Variants in TSPAN18 observed in about 807,000 individuals in gnomAD.
TSPAN18 encodes tetraspanin-18.
A neutral mutation model predicts 27.3 loss-of-function variants in TSPAN18; 14 were observed. The observed-to-expected ratio is 0.51, with a 90% CI of 0.34 to 0.80. The LOEUF (loss-of-function observed/expected upper bound fraction) is 0.80. Ranked by LOEUF, TSPAN18 falls within the 30% of genes least tolerant of loss-of-function variation. The pLI is 0.01. For synonymous variants in TSPAN18, 143 were observed against 136.5 expected, an observed-to-expected ratio of 1.05 and a Z score of -0.33; for missense variants, 268 against 323.9, an observed-to-expected ratio of 0.83 and a Z score of 1.32.
chr11:44,761,483 TGG>T (rs1855454088), intron 1 of TSPAN18, among the ~76,000 whole-genome samples: 1 of 152,160 alleles, frequency 6.6e-6, no homozygotes, highest in Non-Finnish European at 1.5e-5. Flanking sequence ...TTTGCTTAAA[TGG>T]GAATTAGGAT....
intron 2 of TSPAN18, among the ~76,000 whole-genome samples, chr11:44,840,205 G>A (rs761163410): frequency 6.6e-6 from 1 of 152,226 alleles, no homozygotes; most frequent in Non-Finnish European, 1.5e-5. Context: ...CAACTGCTGA[G>A]CACTTAAGGA....
intron 3 of TSPAN18, among the ~76,000 whole-genome samples, chr11:44,878,142 C>A (rs1385817473): frequency 6.6e-6 from 1 of 151,918 alleles, no homozygotes; most frequent in Non-Finnish European, 1.5e-5. Context: ...ATGCCCCTTC[C>A]CCCAGCTCCA....
intron 1 of TSPAN18, among the ~76,000 whole-genome samples, chr11:44,732,242 T>C (rs1854679339): frequency 6.6e-6 from 1 of 152,252 alleles, no homozygotes; most frequent in African/African-American, 2.4e-5. Flanking sequence ...TGCTCTGAGA[T>C]ATCCCAGAGA....
intron 3 of TSPAN18, among the ~76,000 whole-genome samples, chr11:44,872,932 G>C (rs1032086107): frequency 5.3e-5 from 8 of 152,226 alleles, no homozygotes; most frequent in Admixed American, 4.6e-4. Context: ...AGGACTGCAT[G>C]CTGAGTGTTC....
In TSPAN18 at chr11:44,931,284, G is replaced by A. The variant is rs1014934652; in HGVS notation, c.*2106G>A. On this transcript the variant is annotated 3_prime_UTR_variant, in exon 10 of 10. Transcript: ENST00000520358. Reference sequence around the variant, plus strand: ...TGAACCACCCACATGCTTAGCCCCAGCTTTTTGGAAGAGGCAAATGGCTGG... The same window carrying A: ...TGAACCACCCACATGCTTAGCCCCAACTTTTTGGAAGAGGCAAATGGCTGG... 3.7e-5 allele frequency: 8 copies of A among 217,494 alleles called. No homozygotes were observed. Among genetic ancestry groups the A allele is most frequent in the African/African-American group, 1.9e-4 (8 of 43,196 alleles). The allele number at this position is 217,494 out of a possible 1,614,324, so 13.5% of individuals were successfully genotyped here.
intron 2 of TSPAN18, among the ~76,000 whole-genome samples, chr11:44,842,139 G>A (rs1226341753): frequency 6.6e-6 from 1 of 152,154 alleles, no homozygotes; most frequent in East Asian, 1.9e-4. Context: ...CCTTTGAGAG[G>A]CTGGCAGAAG....
chr11:44,831,374 A>C (rs555372415), intron 2 of TSPAN18, among the ~76,000 whole-genome samples: 1 of 152,224 alleles, frequency 6.6e-6, no homozygotes, highest in South Asian at 2.1e-4. Flanking sequence ...TGGCCCCAAA[A>C]AAGATGTCAA....
chr11:44,783,438 G>A (rs868419984), intron 2 of TSPAN18, among the ~76,000 whole-genome samples: 16 of 148,844 alleles, frequency 1.1e-4, no homozygotes, highest in Middle Eastern at 3.5e-3. Context: ...TCGCTCTGTC[G>A]CCCAGGCTGG....
At chr11:44,839,175 A>G (rs1317090072) in intron 2 of TSPAN18, among the ~76,000 whole-genome samples, 2 of 152,136 alleles carry the variant, frequency 1.3e-5, no homozygotes, top group Admixed American at 1.3e-4. Flanking sequence ...CAGTTTTCAG[A>G]CTGTACATCT....
At chr11:44,826,238 C>T (rs1038760048) in intron 2 of TSPAN18, among the ~76,000 whole-genome samples, 5 of 152,160 alleles carry the variant, frequency 3.3e-5, no homozygotes, top group African/African-American at 1.2e-4. Flanking sequence ...GCCTGACCAA[C>T]ATGGAGAAAC....
At chr11:44,818,306 C>A (rs982011922) in intron 2 of TSPAN18, among the ~76,000 whole-genome samples, 2 of 152,230 alleles carry the variant, frequency 1.3e-5, no homozygotes, top group African/African-American at 4.8e-5. Flanking sequence ...TATTTCTATA[C>A]ATCCTCCAGG....
intron 3 of TSPAN18, chr11:44,897,735 T>G: frequency 7.8e-7 from 1 of 1,282,604 alleles, no homozygotes; most frequent in Non-Finnish European, 1.0e-6. Context: ...ATTGAATATT[T>G]TCTCTTATTG....
intron 2 of TSPAN18, among the ~76,000 whole-genome samples, chr11:44,799,919 C>T (rs901812417): frequency 6.6e-6 from 1 of 152,146 alleles, no homozygotes; most frequent in African/African-American, 2.4e-5. Flanking sequence ...CAATCTCTGC[C>T]TCCTGGGTTC....
At chr11:44,865,253 G>A (rs12800003) in intron 3 of TSPAN18, among the ~76,000 whole-genome samples, 29,556 of 152,066 alleles carry the variant, frequency 0.19, 3,721 homozygotes, top group Non-Finnish European at 0.29. Flanking sequence ...GACCTTGGGC[G>A]TGTTATTGAG....
At chr11:44,905,692 C>A (rs963073477) in intron 3 of TSPAN18, among the ~76,000 whole-genome samples, 4 of 152,200 alleles carry the variant, frequency 2.6e-5, no homozygotes, top group Admixed American at 1.3e-4. Context: ...TCAATGTTGG[C>A]TGAATGGAAT....
intron 1 of TSPAN18, among the ~76,000 whole-genome samples, chr11:44,730,390 G>C (rs1174685428): frequency 6.6e-6 from 1 of 152,138 alleles, no homozygotes; most frequent in East Asian, 1.9e-4. Flanking sequence ...ATCAGCCATT[G>C]AGAGGGAAAA....
intron 2 of TSPAN18, among the ~76,000 whole-genome samples, chr11:44,825,110 C>T (rs898580911): frequency 1.1e-4 from 16 of 152,206 alleles, no homozygotes; most frequent in East Asian, 7.7e-4. Context: ...CCCACCACCC[C>T]GAACTCGGGG....
intron 3 of TSPAN18, among the ~76,000 whole-genome samples, chr11:44,867,129 G>A (rs144098870): frequency 2.0e-5 from 3 of 152,226 alleles, no homozygotes; most frequent in African/African-American, 7.2e-5. Flanking sequence ...AGCATCACCA[G>A]CATCTCCTGG....
At chr11:44,856,351 G>A (rs566116276) in intron 2 of TSPAN18, among the ~76,000 whole-genome samples, 13 of 152,100 alleles carry the variant, frequency 8.5e-5, no homozygotes, top group Admixed American at 7.2e-4. Context: ...CCCAACAGGC[G>A]GGCTTGGCTC....
Sources: allele counts gnomAD v4.1 joint callset (sites outside exome capture counted in the v4.1 genomes callset), GRCh38; gene constraint gnomAD v4.1.1; transcripts MANE v1.5; gene names NCBI Gene and HGNC (gene_info 2026-07-23, HGNC 2026-07-21).